Variants in ANKRD26 observed in about 807,000 individuals in gnomAD.
ANKRD26 encodes the protein ankyrin repeat domain 26.
A neutral mutation model predicts 208.7 loss-of-function variants in ANKRD26; 141 were observed. The observed-to-expected ratio is 0.68, with a 90% CI of 0.59 to 0.78. The LOEUF (loss-of-function observed/expected upper bound fraction) is 0.78, where lower values mean the gene tolerates loss of function less well. Ranked by LOEUF, ANKRD26 falls within the 30% of genes least tolerant of loss-of-function variation. The pLI, the probability that ANKRD26 is intolerant of heterozygous loss-of-function variation, is 0.00. For synonymous variants in ANKRD26, 636 were observed against 660.4 expected (o/e 0.96, Z 0.57); for missense variants, 1,889 against 1,938.7 (o/e 0.97, Z 0.48).
the ANKRD26 span, among the ~76,000 whole-genome samples, chr10:26,962,101 G>T: frequency 1.3e-5 from 2 of 152,220 alleles, no homozygotes; most frequent in South Asian, 4.1e-4. Flanking sequence ...AGACAGAGGG[G>T]ATGGCCCAGT....
chr10:27,014,473 T>A (rs1285068858), intron 31 of ANKRD26, 21 bp downstream of exon 31: 1 of 1,494,444 alleles, frequency 6.7e-7, no homozygotes, highest in Non-Finnish European at 9.3e-7. Flanking sequence ...TTATTTCCTA[T>A]GATTCTATAT....
chr10:26,960,828 G>A, the ANKRD26 span, among the ~76,000 whole-genome samples: 1 of 152,170 alleles, frequency 6.6e-6, no homozygotes, highest in East Asian at 1.9e-4. Context: ...CATGTGGAAA[G>A]GAATTCTGAA....
At chr10:27,072,751 A>T (rs2055550970) in intron 9 of ANKRD26, among the ~76,000 whole-genome samples, 1 of 152,162 alleles carries the variant, frequency 6.6e-6, no homozygotes, top group Non-Finnish European at 1.5e-5. Flanking sequence ...GTTAATCACC[A>T]CTGCCTGCAT....
rs767422626 is a variant in ANKRD26 at position 27,033,217 on chromosome 10, A to G, written c.3807+8T>C. The G allele has an allele frequency of 1.2e-6, 2 of 1,603,068 alleles. No homozygotes were observed. Among genetic ancestry groups the G allele is most frequent in the South Asian group, 2.2e-5 (2 of 90,338 alleles). ...TTAACTGTTTGACATGTTAAATTTC[A>G]TACATACTTGATTTCTGATTTGACC... On this transcript the variant is annotated splice_region_variant and intron_variant, in intron 25 of 33. Transcript: ENST00000376087.
exon 6 of ANKRD26, among the ~76,000 whole-genome samples, chr10:26,973,959 G>T (rs1424359584): frequency 4.0e-5 from 6 of 150,218 alleles, no homozygotes; most frequent in African/African-American, 1.2e-4. Context: ...GCCTGGCTTT[G>T]TTCTTTTTTC....
At chr10:26,990,663 G>A (rs891755970), downstream of ANKRD26, among the ~76,000 whole-genome samples, 4 of 152,180 alleles carry the variant, frequency 2.6e-5, no homozygotes, top group African/African-American at 9.7e-5. Flanking sequence ...TCAGACACAT[G>A]AGAATGTCCA....
intron 28 of ANKRD26, 31 bp downstream of exon 28, chr10:27,024,416 G>T: frequency 1.6e-6 from 2 of 1,215,452 alleles, no homozygotes; most frequent in Non-Finnish European, 1.2e-6. Context: ...TTAATGAATG[G>T]TTAAAATGAT....
intron 21 of ANKRD26, among the ~76,000 whole-genome samples, chr10:27,039,451 C>T (rs1395573297): frequency 7.2e-6 from 1 of 139,748 alleles, no homozygotes; most frequent in East Asian, 2.2e-4. Flanking sequence ...AAGACTCCAT[C>T]TCAAAAAAAA....
chr10:27,067,413 G>A, intron 9 of ANKRD26, 127 bp from the exon 10 acceptor site: 1 of 1,141,692 alleles, frequency 8.8e-7, no homozygotes, highest in Non-Finnish European at 1.2e-6. Context: ...ATCCAAGATG[G>A]GGGCATAGTT....
At chr10:27,075,147 C>A (rs2055651487) in intron 9 of ANKRD26, among the ~76,000 whole-genome samples, 1 of 152,132 alleles carries the variant, frequency 6.6e-6, no homozygotes, top group Admixed American at 6.5e-5. Context: ...TGAAAGCATA[C>A]AATTCACAAA....
chr10:26,950,779 A>G, the ANKRD26 span, among the ~76,000 whole-genome samples: 13 of 152,144 alleles, frequency 8.5e-5, no homozygotes, highest in Non-Finnish European at 1.9e-4. Context: ...ACCCAGTCTC[A>G]GGTATTTCTT....
At chr10:27,027,026 T>C (rs1162081480) in intron 27 of ANKRD26, among the ~76,000 whole-genome samples, 5 of 152,154 alleles carry the variant, frequency 3.3e-5, no homozygotes, top group African/African-American at 1.2e-4. Flanking sequence ...CCTCAGGTGA[T>C]CCACCCGCCT....
the ANKRD26 span, among the ~76,000 whole-genome samples, chr10:26,953,120 AAG>A: frequency 6.6e-6 from 1 of 152,194 alleles, no homozygotes; most frequent in Non-Finnish European, 1.5e-5. Flanking sequence ...TTTATAGCCA[AAG>A]AGATTGTAAA....
downstream of ANKRD26, among the ~76,000 whole-genome samples, chr10:26,990,274 A>T (rs1036427912): frequency 6.6e-6 from 1 of 152,212 alleles, no homozygotes; most frequent in Non-Finnish European, 1.5e-5. Flanking sequence ...GTTTCTAAGG[A>T]TGAAACTTAT....
chr10:27,020,125 T>C (rs1435669668), intron 29 of ANKRD26, among the ~76,000 whole-genome samples: 1 of 152,208 alleles, frequency 6.6e-6, no homozygotes, highest in Non-Finnish European at 1.5e-5. Context: ...TCACTGAGTT[T>C]GGCCCATGTT....
At chr10:27,070,054 T>G in intron 9 of ANKRD26, among the ~76,000 whole-genome samples, 1 of 150,556 alleles carries the variant, frequency 6.6e-6, no homozygotes, top group Non-Finnish European at 1.5e-5. Context: ...TCAGTGAGCC[T>G]TGATCATGCC....
chr10:27,041,983 T>C (rs2054256799), intron 20 of ANKRD26, among the ~76,000 whole-genome samples: 1 of 151,930 alleles, frequency 6.6e-6, no homozygotes, highest in South Asian at 2.1e-4. Context: ...TGGACTGTGA[T>C]AAATTCAAGT....
chr10:27,079,070 T>C lies in ANKRD26; in HGVS notation c.813+19A>G. The C allele has an allele frequency of 6.2e-7, 1 of 1,600,214 alleles. No individual in the cohort carries two copies. The highest frequency in any genetic ancestry group is 8.6e-7 in the Non-Finnish European group (1 of 1,167,486). ...TAGATTCAGAGTAAGAAAATTAAGTTCATGAGAGAGCACTTTACCTTAGTA... is the reference window on the plus strand; with the variant it reads ...TAGATTCAGAGTAAGAAAATTAAGTCCATGAGAGAGCACTTTACCTTAGTA... On this transcript the variant is annotated intron_variant, in intron 7 of 33. Coordinates refer to ENST00000376087, the MANE Select transcript of ANKRD26 (RefSeq NM_014915.3).
intron 4 of ANKRD26, among the ~76,000 whole-genome samples, chr10:27,086,989 G>T (rs1354044750): frequency 2.6e-5 from 4 of 152,036 alleles, no homozygotes; most frequent in African/African-American, 9.7e-5. Flanking sequence ...GGCCAGGCTG[G>T]TCTTGAACTC....
Sources: allele counts gnomAD v4.1 joint callset (sites outside exome capture counted in the v4.1 genomes callset), GRCh38; gene constraint gnomAD v4.1.1; transcripts MANE v1.5; gene names NCBI Gene and HGNC (gene_info 2026-07-23, HGNC 2026-07-21).